GALNT13: variants seen among roughly 807,000 people sequenced by gnomAD.
The protein encoded by GALNT13 is polypeptide N-acetylgalactosaminyltransferase 13.
Under a neutral mutation model 64.2 loss-of-function variants are expected in GALNT13, and 28 were observed. The ratio of observed to expected loss-of-function variants is 0.44; its 90% CI spans 0.32 to 0.60. The LOEUF is 0.60. GALNT13 is among the 20% of genes least tolerant of loss of function. The probability of loss-of-function intolerance (pLI) is 0.05; values close to 1 mark genes in which losing one functional copy is unlikely to be tolerated. For missense variants in GALNT13, 577 were observed against 669.8 expected (o/e 0.86, Z 1.53); for synonymous variants, 214 against 224.6 (o/e 0.95, Z 0.42).
intron 4 of GALNT13, among the ~76,000 whole-genome samples, chr2:154,177,829 G>A (rs1297481032): frequency 6.6e-6 from 1 of 152,092 alleles, no homozygotes; most frequent in African/African-American, 2.4e-5. Context: ...GGCAACACAG[G>A]ACTATATTTT....
chr2:153,551,287 C>A, the GALNT13 span, among the ~76,000 whole-genome samples: 1 of 152,186 alleles, frequency 6.6e-6, no homozygotes, highest in East Asian at 1.9e-4. Context: ...TTTCTCATGA[C>A]AGAGGATCTG....
intron 3 of GALNT13, among the ~76,000 whole-genome samples, chr2:154,018,675 G>T (rs1697202342): frequency 1.3e-5 from 2 of 151,368 alleles, no homozygotes; most frequent in Non-Finnish European, 2.9e-5. Flanking sequence ...AGGGTGAGGG[G>T]CTGAGGGAGA....
chr2:153,919,934 T>C (rs1183502021), intron 2 of GALNT13, among the ~76,000 whole-genome samples: 1 of 149,368 alleles, frequency 6.7e-6, no homozygotes, highest in African/African-American at 2.4e-5. Flanking sequence ...TGTATAGGGG[T>C]TGGACTTGAA....
the GALNT13 span, among the ~76,000 whole-genome samples, chr2:153,148,880 G>T: frequency 6.6e-6 from 1 of 151,832 alleles, no homozygotes; most frequent in Non-Finnish European, 1.5e-5. Context: ...AAAGCCTCAG[G>T]AATTTTGTTA....
At chr2:153,954,469 C>T (rs1692427997) in intron 3 of GALNT13, among the ~76,000 whole-genome samples, 1 of 151,976 alleles carries the variant, frequency 6.6e-6, no homozygotes, top group African/African-American at 2.4e-5. Flanking sequence ...CTGATATTTG[C>T]TTTGCTCTTT....
chr2:153,434,077 G>C, the GALNT13 span, among the ~76,000 whole-genome samples: 2 of 152,098 alleles, frequency 1.3e-5, no homozygotes, highest in Non-Finnish European at 2.9e-5. Context: ...AGAACATGCG[G>C]TGTTTGGTTT....
At chr2:153,107,820 C>A in the GALNT13 span, among the ~76,000 whole-genome samples, 1 of 152,194 alleles carries the variant, frequency 6.6e-6, no homozygotes, top group African/African-American at 2.4e-5. Flanking sequence ...CAAAGGAAAG[C>A]CATTTTGGGA....
the GALNT13 span, among the ~76,000 whole-genome samples, chr2:153,355,758 A>G: frequency 2.0e-5 from 3 of 152,218 alleles, no homozygotes; most frequent in African/African-American, 7.2e-5. Context: ...AGCAATTATA[A>G]TGCCTACAAG....
the GALNT13 span, among the ~76,000 whole-genome samples, chr2:153,642,972 A>T: frequency 7.9e-5 from 12 of 151,780 alleles, no homozygotes; most frequent in African/African-American, 2.2e-4. Flanking sequence ...AAGACAATTT[A>T]AAAAAGAAAA....
chr2:153,506,042 T>A, the GALNT13 span, among the ~76,000 whole-genome samples: 1 of 152,184 alleles, frequency 6.6e-6, no homozygotes, highest in Non-Finnish European at 1.5e-5. Flanking sequence ...TTTAGGTGCG[T>A]ATATATTTAG....
the GALNT13 span, among the ~76,000 whole-genome samples, chr2:153,652,770 C>T: frequency 2.0e-5 from 3 of 152,062 alleles, no homozygotes; most frequent in African/African-American, 2.4e-5. Context: ...TTTCTAGTTC[C>T]TTCACCATCT....
chr2:153,177,739 C>G, the GALNT13 span, among the ~76,000 whole-genome samples: 1 of 152,066 alleles, frequency 6.6e-6, no homozygotes, highest in Non-Finnish European at 1.5e-5. Context: ...TTAAAATTCA[C>G]TCTCAGTGAT....
At chr2:153,154,972 C>T in the GALNT13 span, among the ~76,000 whole-genome samples, 1 of 152,138 alleles carries the variant, frequency 6.6e-6, no homozygotes, top group Non-Finnish European at 1.5e-5. Flanking sequence ...TTTTCTGCAT[C>T]TATTGAGAAA....
rs569900820 is a variant in GALNT13 at position 154,273,542 on chromosome 2, T to C, written c.975+14404T>C. Among the ~76,000 whole-genome samples the C allele has an allele frequency of 4.6e-5, 7 of 152,306 alleles. No individual in the cohort carries two copies. The South Asian group carries it at 1.2e-3, about 27-fold the overall frequency. On this transcript the variant is annotated intron_variant, in intron 8 of 12. Coordinates refer to ENST00000392825, the MANE Select transcript of GALNT13 (RefSeq NM_052917.4). ...CATACAATCACACACTACATAATTG[T>C]GTTTTGGTCAACAACGACACATATA...
the GALNT13 span, among the ~76,000 whole-genome samples, chr2:153,374,827 C>T: frequency 6.6e-6 from 1 of 152,174 alleles, no homozygotes; most frequent in Non-Finnish European, 1.5e-5. Flanking sequence ...ACATTTCTCT[C>T]TCTGTGTCCA....
At chr2:153,750,792 GT>G in the GALNT13 span, among the ~76,000 whole-genome samples, 3 of 150,954 alleles carry the variant, frequency 2.0e-5, no homozygotes, top group Non-Finnish European at 4.4e-5. Flanking sequence ...GATTTTTGTT[GT>G]TTTTTATTTC....
chr2:153,243,750 G>C, the GALNT13 span, among the ~76,000 whole-genome samples: 58 of 152,154 alleles, frequency 3.8e-4, no homozygotes, highest in African/African-American at 1.4e-3. Flanking sequence ...TGAGCAAGTT[G>C]GATAAGATTT....
chr2:153,813,184 T>C, the GALNT13 span, among the ~76,000 whole-genome samples: 6 of 152,204 alleles, frequency 3.9e-5, no homozygotes, highest in African/African-American at 1.2e-4. Context: ...TATACACTTT[T>C]CTGTTACAAA....
intron 3 of GALNT13, among the ~76,000 whole-genome samples, chr2:153,949,903 C>A (rs988016861): frequency 6.6e-6 from 1 of 151,882 alleles, no homozygotes; most frequent in Non-Finnish European, 1.5e-5. Flanking sequence ...AATAAAGTGG[C>A]AATCCATGTG....
Sources: allele counts gnomAD v4.1 joint callset (sites outside exome capture counted in the v4.1 genomes callset), GRCh38; gene constraint gnomAD v4.1.1; transcripts MANE v1.5; gene names NCBI Gene and HGNC (gene_info 2026-07-23, HGNC 2026-07-21).